Variants in ITGAE observed in about 807,000 individuals in gnomAD.
ITGAE encodes integrin alpha-E.
In ITGAE, 99 loss-of-function variants were observed where a neutral mutation model predicts 136.5. The ratio of observed to expected loss-of-function variants is 0.73; its 90% CI spans 0.62 to 0.86. ITGAE has a LOEUF of 0.86. ITGAE is among the 40% of genes least tolerant of loss of function. The pLI, the probability that ITGAE is intolerant of heterozygous loss-of-function variation, is 0.00. For missense variants in ITGAE, 1,447 were observed against 1,515.3 expected, an observed-to-expected ratio of 0.95 and a Z score of 0.75; for synonymous variants, 613 against 591.8, an observed-to-expected ratio of 1.04 and a Z score of -0.52.
chr17:3,747,177 TC>T (rs1445059065), intron 17 of ITGAE, among the ~76,000 whole-genome samples: 1 of 152,114 alleles, frequency 6.6e-6, no homozygotes, highest in Non-Finnish European at 1.5e-5. Flanking sequence ...CAACAGGTGA[TC>T]CAATCCCACC....
chr17:3,743,985 A>G (rs1207827105), intron 18 of ITGAE, among the ~76,000 whole-genome samples: 4 of 150,284 alleles, frequency 2.7e-5, no homozygotes, highest in African/African-American at 7.3e-5. Context: ...TTATAGGCGT[A>G]AGCCACCGCG....
At chr17:3,782,808 C>T in intron 1 of ITGAE, among the ~76,000 whole-genome samples, 1 of 152,128 alleles carries the variant, frequency 6.6e-6, no homozygotes. Context: ...GGTTTAGTGA[C>T]TTTTTCGTCT....
At position 3,751,747 on chromosome 17, in the gene ITGAE, G is replaced by A. The variant is rs759715620; in HGVS notation, c.1796C>T (p.Ala599Val). Residue 599 changes from alanine (A) to valine (V), a missense_variant, in exon 15 of 31, where the codon GCC becomes GTC. Ala to Val is a moderately conservative substitution (Grantham distance 64). This residue lies in a region of ITGAE where 1,031 missense variants were observed against 1,011.4 expected (regional missense o/e 1.02). Coordinates refer to ENST00000263087, the MANE Select transcript of ITGAE (RefSeq NM_002208.5). Reference protein sequence around the residue: ...QDKLTDVAIGAPLEGFGADDG... With the variant: ...QDKLTDVAIGVPLEGFGADDG... Reference sequence around the variant, plus strand: ...ATCTGCCCCAAAACCTTCCAGGGGGGCCCCGATGGCCACATCTGTGAGCTT... The same window carrying A: ...ATCTGCCCCAAAACCTTCCAGGGGGACCCCGATGGCCACATCTGTGAGCTT... The A allele has an allele frequency of 6.2e-7, 1 of 1,614,048 alleles. No homozygotes were observed. Among genetic ancestry groups the A allele is most frequent in the East Asian group, 2.2e-5 (1 of 44,878 alleles).
chr17:3,723,909 G>A (rs1157945703), intron 26 of ITGAE, 165 bp from the exon 27 acceptor site: 12 of 1,539,558 alleles, frequency 7.8e-6, no homozygotes, highest in Admixed American at 2.1e-5. Context: ...CGATGTTTGC[G>A]TTTGAACCTC....
Position 3,797,874 on chromosome 17 carries a change from C to A in ITGAE, c.34+3237G>T, listed in dbSNP as rs191350065. Reference sequence around the variant, plus strand: ...TCACGGGCCTCTCTGCCTCCCCTCTCCCCCAGATTCCAACTAACACACAAC... The same window carrying A: ...TCACGGGCCTCTCTGCCTCCCCTCTACCCCAGATTCCAACTAACACACAAC... On this transcript the variant is annotated intron_variant, in intron 1 of 30. Coordinates refer to ENST00000263087, the MANE Select transcript of ITGAE (RefSeq NM_002208.5). Among the ~76,000 whole-genome samples, 227 of 152,304 alleles carry A rather than the reference C, an allele frequency of 1.5e-3. 1 individual carries two copies. The highest frequency in any genetic ancestry group is 3.0e-3 in the Non-Finnish European group (202 of 68,022).
At chr17:3,758,408 G>A (rs1045083125) in intron 8 of ITGAE, among the ~76,000 whole-genome samples, 11 of 151,566 alleles carry the variant, frequency 7.3e-5, no homozygotes, top group African/African-American at 2.7e-4. Flanking sequence ...ACTGCTCCAA[G>A]CTGTGAGTAC....
chr17:3,770,558 T>C lies in ITGAE; in HGVS notation c.156-6598A>G, dbSNP rs543705616. 5.3e-5 allele frequency among the ~76,000 whole-genome samples: 8 copies of C among 152,292 alleles called. No homozygotes were observed. The East Asian group carries it at 1.5e-3, about 29-fold the overall frequency. ...CAATGTGAGTGAGAGGCACACGTCA[T>C]TCTCAAGCAGGAGCACAGCCCCTGC... is the stretch of plus-strand genomic sequence containing the variant. On this transcript the variant is annotated intron_variant, in intron 2 of 30. Coordinates refer to ENST00000263087, the MANE Select transcript of ITGAE (RefSeq NM_002208.5).
intron 12 of ITGAE, 108 bp from the exon 13 acceptor site, chr17:3,754,033 G>A: frequency 1.6e-6 from 2 of 1,253,356 alleles, no homozygotes; most frequent in Non-Finnish European, 2.2e-6. Flanking sequence ...TGGGGAGGGG[G>A]GCAAAATAGG....
In ITGAE at chr17:3,782,993, G is replaced by T. The variant is rs368092743; in HGVS notation, c.35-5333C>A. Reference sequence around the variant, plus strand: ...TAAATCCCATATGCCTGCTTTTGCTGATGTATGTCGATTGAGATGGCTGAA... The same window carrying T: ...TAAATCCCATATGCCTGCTTTTGCTTATGTATGTCGATTGAGATGGCTGAA... On this transcript the variant is annotated intron_variant, in intron 1 of 30. Transcript: ENST00000263087. Among the ~76,000 whole-genome samples the T allele has an allele frequency of 3.5e-4, 53 of 152,282 alleles. 1 individual carries two copies. The South Asian group carries it at 8.3e-3, about 24-fold the overall frequency.
Position 3,798,071 on chromosome 17 carries a change from C to T in ITGAE, c.34+3040G>A, listed in dbSNP as rs2053164463. Reference sequence around the variant, plus strand: ...TCCTCCACTTATACCACACCTGCCACACGAATGCAGGCCTCCCAGAGAAGG... The same window carrying T: ...TCCTCCACTTATACCACACCTGCCATACGAATGCAGGCCTCCCAGAGAAGG... On this transcript the variant is annotated intron_variant, in intron 1 of 30. Transcript: ENST00000263087. The surrounding 1 kb of genome is among the most constrained non-coding windows in gnomAD (Gnocchi z 4.3). Among the ~76,000 whole-genome samples, 1 of 152,334 alleles carries T rather than the reference C, an allele frequency of 6.6e-6. No individual in the cohort carries two copies. The highest frequency in any genetic ancestry group is 6.5e-5 in the Admixed American group (1 of 15,308).
rs770979426 is a variant in ITGAE at position 3,725,328 on chromosome 17, G to T, written c.3085-1584C>A. 4.3e-6 allele frequency: 7 copies of T among 1,614,202 alleles called. No individual in the cohort carries two copies. The Admixed American group carries it at 1.2e-4, about 27-fold the overall frequency. ...GGCATCTGATGCTGAAAAGGTTTATGGGGAATGCAGTCAGAAGGGTCCTGT... is the reference window on the plus strand; with the variant it reads ...GGCATCTGATGCTGAAAAGGTTTATTGGGAATGCAGTCAGAAGGGTCCTGT... On this transcript the variant is annotated intron_variant, in intron 26 of 30. Coordinates refer to ENST00000263087, the MANE Select transcript of ITGAE (RefSeq NM_002208.5).
intron 2 of ITGAE, among the ~76,000 whole-genome samples, chr17:3,766,959 G>A (rs918625523): frequency 2.0e-5 from 3 of 151,710 alleles, no homozygotes; most frequent in Non-Finnish European, 2.9e-5. Context: ...CATCTTCCCC[G>A]CCACAGCAAA....
chr17:3,747,992 G>C lies in ITGAE; in HGVS notation c.2085C>G (p.Ile695Met), dbSNP rs148453859. 1.2e-6 allele frequency: 2 copies of C among 1,613,262 alleles called. No homozygotes were observed. The highest frequency in any genetic ancestry group is 1.7e-6 in the Non-Finnish European group (2 of 1,179,520). ...SMAFTPSALP[I>M]GFNGVVNVRL... The stretch of plus-strand genomic sequence containing the variant: ...GGACATTCACGACGCCGTTGAAGCC[G>C]ATGGGCAGTGCGCTGGGGGTGAAGG... The change falls in exon 17 of 31, where the codon ATC becomes ATG. Residue 695 changes from isoleucine to methionine, a missense_variant. Ile to Met is a conservative substitution (Grantham distance 10). Transcript: ENST00000263087.
chr17:3,748,606 C>T (rs1258059225), intron 16 of ITGAE, among the ~76,000 whole-genome samples: 1 of 151,998 alleles, frequency 6.6e-6, no homozygotes. Flanking sequence ...AACAAAAATA[C>T]GGTAATAAGG....
At chr17:3,784,918 G>C (rs2052748944) in intron 1 of ITGAE, among the ~76,000 whole-genome samples, 1 of 152,116 alleles carries the variant, frequency 6.6e-6, no homozygotes, top group African/African-American at 2.4e-5. Flanking sequence ...GATTGCTTAA[G>C]CTCAGGAGTT....
At chr17:3,735,236 C>T (rs1279618008) in intron 20 of ITGAE, among the ~76,000 whole-genome samples, 3 of 152,172 alleles carry the variant, frequency 2.0e-5, no homozygotes, top group Non-Finnish European at 2.9e-5. Context: ...GGCACGATCT[C>T]GGCTCACTGC....
intron 30 of ITGAE, 108 bp downstream of exon 30, chr17:3,716,580 C>A: frequency 1.5e-6 from 1 of 687,802 alleles, no homozygotes; most frequent in South Asian, 1.8e-5. Context: ...AAAGTGGCCA[C>A]GAGGCCAGGG....
chr17:3,715,055 C>T, intron 30 of ITGAE, 113 bp from the exon 31 acceptor site: 1 of 638,870 alleles, frequency 1.6e-6, no homozygotes, highest in Non-Finnish European at 2.8e-6. Flanking sequence ...GCTTCTCATA[C>T]TTACTACTCC....
intron 22 of ITGAE, 89 bp downstream of exon 22, chr17:3,732,279 C>T: frequency 1.0e-6 from 1 of 1,001,964 alleles, no homozygotes; most frequent in Non-Finnish European, 1.6e-6. Context: ...AAGCGCAAAG[C>T]TGGAACCGAG....
Sources: gnomAD v4.1 joint callset for allele counts (sites outside exome capture counted in the v4.1 genomes callset) on GRCh38, gnomAD v4.1.1 for gene constraint, gnomAD v4.1.1 regional missense constraint, Gnocchi (gnomAD v3.1) non-coding constraint, MANE v1.5 for transcripts, NCBI Gene and HGNC (gene_info 2026-07-23, HGNC 2026-07-21) for gene names.